Variants in SEM1 observed in about 807,000 individuals in gnomAD.
SEM1 encodes the protein SEM1 26S proteasome subunit.
Under a neutral mutation model 12.7 loss-of-function variants are expected in SEM1, and 3 were observed. That is an observed-to-expected ratio of 0.24 (90% confidence interval 0.11 to 0.61). SEM1 has a LOEUF of 0.61. SEM1 is among the 20% of genes least tolerant of loss of function. SEM1 has a pLI of 0.88. For missense variants in SEM1, 59 were observed against 81.3 expected, an observed-to-expected ratio of 0.73 and a Z score of 1.06; for synonymous variants, 30 against 27.8, an observed-to-expected ratio of 1.08 and a Z score of -0.25.
chr7:96,555,181 T>G (rs1382980165), intron 2 of SEM1, among the ~76,000 whole-genome samples: 1 of 149,686 alleles, frequency 6.7e-6, no homozygotes, highest in African/African-American at 2.4e-5. Context: ...GAAGGGTTTT[T>G]GTGTCTCTAT....
chr7:96,621,032 T>G (rs1318933586), downstream of SEM1, among the ~76,000 whole-genome samples: 1 of 152,200 alleles, frequency 6.6e-6, no homozygotes, highest in African/African-American at 2.4e-5. Context: ...TTGACCCATC[T>G]TACATGAACA....
At chr7:96,485,519 C>T (rs1458496200) in intron 2 of SEM1, among the ~76,000 whole-genome samples, 1 of 141,020 alleles carries the variant, frequency 7.1e-6, no homozygotes, top group East Asian at 2.0e-4. Context: ...CCAAGCTAAT[C>T]TTCCCATCTC....
At chr7:96,660,622 A>G (rs1425591888) in intron 2 of SEM1, among the ~76,000 whole-genome samples, 3 of 152,284 alleles carry the variant, frequency 2.0e-5, no homozygotes, top group East Asian at 1.9e-4. Context: ...AGAGATTTCT[A>G]TCTTACTATC....
At chr7:96,628,021 G>A (rs186162124) in intron 2 of SEM1, among the ~76,000 whole-genome samples, 126 of 152,034 alleles carry the variant, frequency 8.3e-4, no homozygotes, top group African/African-American at 2.5e-3. Flanking sequence ...ATTATACAGC[G>A]ACCTTCTTTG....
At chr7:96,697,274 T>G (rs886672320) in intron 1 of SEM1, 1 of 152,076 alleles carries the variant, frequency 6.6e-6, no homozygotes, top group Admixed American at 6.6e-5. Flanking sequence ...TTAGACGTTG[T>G]CCCAAATTGG....
chr7:96,609,061 C>T (rs1807467737), intron 2 of SEM1, among the ~76,000 whole-genome samples: 1 of 152,164 alleles, frequency 6.6e-6, no homozygotes, highest in Non-Finnish European at 1.5e-5. Flanking sequence ...TTCCTATAAG[C>T]AATATGTGAG....
intron 2 of SEM1, among the ~76,000 whole-genome samples, chr7:96,591,327 G>C (rs971845591): frequency 2.0e-5 from 3 of 152,124 alleles, no homozygotes; most frequent in African/African-American, 7.2e-5. Flanking sequence ...GTTAACTTCT[G>C]AGGTTTTAAA....
At chr7:96,502,785 C>T (rs924716184) in intron 3 of SEM1, among the ~76,000 whole-genome samples, 5 of 152,180 alleles carry the variant, frequency 3.3e-5, no homozygotes, top group African/African-American at 9.6e-5. Context: ...TGTTTGAGTT[C>T]CTTCTACATG....
intron 2 of SEM1, among the ~76,000 whole-genome samples, chr7:96,633,092 CT>C (rs1387925708): frequency 6.6e-6 from 1 of 152,062 alleles, no homozygotes; most frequent in African/African-American, 2.4e-5. Context: ...CTGGGACCCA[CT>C]CCTGGTAGTT....
At chr7:96,526,135 C>G (rs1033657878) in intron 2 of SEM1, among the ~76,000 whole-genome samples, 1 of 152,096 alleles carries the variant, frequency 6.6e-6, no homozygotes, top group Admixed American at 6.5e-5. Context: ...TATTTTTAAA[C>G]AATATTTCTT....
rs776597009 is a variant in SEM1, at chr7:96,650,481, C to T, written c.171-27838G>A. Reference sequence around the variant, plus strand: ...TGGTACCAAGCCACTGCAGGAGACACAGCCATTTAGGGAGACAGCTCAGGG... The same window carrying T: ...TGGTACCAAGCCACTGCAGGAGACATAGCCATTTAGGGAGACAGCTCAGGG... On this transcript the variant is annotated intron_variant, in intron 2 of 2. Transcript: ENST00000417009. 9 of 755,714 alleles carry T rather than the reference C, an allele frequency of 1.2e-5. No homozygotes were observed. In the South Asian group the frequency reaches 1.3e-4, roughly 11 times the overall value. The allele number at this position is 755,714 out of a possible 1,614,324, so 46.8% of individuals were successfully genotyped here.
At chr7:96,598,525 T>A (rs1224034931) in intron 2 of SEM1, among the ~76,000 whole-genome samples, 1 of 152,144 alleles carries the variant, frequency 6.6e-6, no homozygotes, top group African/African-American at 2.4e-5. Flanking sequence ...ATTAAGGTAA[T>A]CCTTCAATCT....
chr7:96,566,107 A>G (rs1217882189), intron 2 of SEM1, among the ~76,000 whole-genome samples: 1 of 151,734 alleles, frequency 6.6e-6, no homozygotes, highest in South Asian at 2.1e-4. Flanking sequence ...TTCAATTTAT[A>G]TTTTAAAATA....
At chr7:96,633,817 G>A (rs899967831) in intron 2 of SEM1, among the ~76,000 whole-genome samples, 6 of 152,032 alleles carry the variant, frequency 3.9e-5, no homozygotes, top group African/African-American at 1.4e-4. Flanking sequence ...AAGGAGTAAA[G>A]GGCTTAACTC....
chr7:96,604,506 T>TAATAC (rs1807288121), intron 2 of SEM1, among the ~76,000 whole-genome samples: 1 of 152,120 alleles, frequency 6.6e-6, no homozygotes, highest in Non-Finnish European at 1.5e-5. Flanking sequence ...TGTAAAGAGT[T>TAATAC]TTACATGCTT....
chr7:96,601,176 A>G (rs982301479), intron 2 of SEM1, among the ~76,000 whole-genome samples: 3 of 152,210 alleles, frequency 2.0e-5, no homozygotes, highest in South Asian at 2.1e-4. Context: ...ACAATTATCT[A>G]TTGGGCATGT....
At chr7:96,608,068 A>C (rs754815774) in intron 2 of SEM1, among the ~76,000 whole-genome samples, 15 of 152,200 alleles carry the variant, frequency 9.9e-5, no homozygotes, top group Non-Finnish European at 1.5e-5. Context: ...TCCTTTTGGA[A>C]CTGAAGAGGA....
intron 2 of SEM1, among the ~76,000 whole-genome samples, chr7:96,514,341 T>G (rs1004028566): frequency 6.6e-6 from 1 of 152,108 alleles, no homozygotes; most frequent in South Asian, 2.1e-4. Context: ...GGCTCCCGAT[T>G]AGCTATGACT....
At chr7:96,510,952 G>A (rs1387430849) in intron 2 of SEM1, among the ~76,000 whole-genome samples, 2 of 152,076 alleles carry the variant, frequency 1.3e-5, no homozygotes, top group Non-Finnish European at 2.9e-5. Flanking sequence ...AAGCTAGAAG[G>A]GCTGTCATGA....
Sources: allele counts gnomAD v4.1 joint callset (sites outside exome capture counted in the v4.1 genomes callset), GRCh38; gene constraint gnomAD v4.1.1; transcripts MANE v1.5; gene names NCBI Gene and HGNC (gene_info 2026-07-23, HGNC 2026-07-21).